NEO1: variants seen among roughly 807,000 people sequenced by gnomAD.
NEO1 encodes neogenin 1, also known as neogenin.
NEO1 carries 63 observed loss-of-function variants against 159.7 expected under a neutral mutation model. That is an observed-to-expected ratio of 0.39 (90% CI 0.32 to 0.49). The LOEUF (loss-of-function observed/expected upper bound fraction) is 0.49, where lower values mean the gene tolerates loss of function less well. NEO1 is among the 20% of genes least tolerant of loss of function. The pLI is 0.85. For synonymous variants in NEO1, 633 were observed against 662.0 expected (o/e 0.96, Z 0.67); for missense variants, 1,615 against 1,831.0 (o/e 0.88, Z 2.15).
At chr15:73,180,389 C>A (rs1469583812) in intron 7 of NEO1, among the ~76,000 whole-genome samples, 1 of 152,122 alleles carries the variant, frequency 6.6e-6, no homozygotes, top group Non-Finnish European at 1.5e-5. Context: ...TATATACCCT[C>A]CCCTGTTTAT....
intron 7 of NEO1, among the ~76,000 whole-genome samples, chr15:73,230,396 G>A (rs558268086): frequency 1.3e-5 from 2 of 151,684 alleles, no homozygotes; most frequent in East Asian, 3.9e-4. Flanking sequence ...TTGTACTATT[G>A]TCCCTTCTTG....
rs2041224314 is a variant in NEO1, at chr15:73,272,633, C to T, written c.2965+71C>T. The stretch of plus-strand genomic sequence containing the variant: ...TGACAGGAGTATTCCAGGAGAGTAC[C>T]ATGTTGCTGGGAGAAGTGGGAGTCT... On this transcript the variant is annotated intron_variant, in intron 19 of 28. Coordinates refer to ENST00000261908, the MANE Select transcript of NEO1 (RefSeq NM_002499.4). 6 of 1,113,142 alleles carry T rather than the reference C, an allele frequency of 5.4e-6. No individual in the cohort carries two copies. The South Asian group carries it at 7.9e-5, about 15-fold the overall frequency. The allele number at this position is 1,113,142 out of a possible 1,614,324, so 69.0% of individuals were successfully genotyped here.
At chr15:73,278,667 C>A (rs933587360) in intron 22 of NEO1, among the ~76,000 whole-genome samples, 2 of 152,192 alleles carry the variant, frequency 1.3e-5, no homozygotes, top group Admixed American at 1.3e-4. Flanking sequence ...ATGACACCCC[C>A]GTCTTTACAG....
chr15:73,278,262 T>C, intron 22 of NEO1, 63 bp downstream of exon 22: 1 of 1,460,864 alleles, frequency 6.8e-7, no homozygotes, highest in South Asian at 1.2e-5. Flanking sequence ...GCTTAAATTT[T>C]TGAAATGTCC....
chr15:73,052,860 G>C (rs923412947), intron 1 of NEO1, 55 bp downstream of exon 1: 2 of 264,988 alleles, frequency 7.5e-6, no homozygotes, highest in African/African-American at 4.6e-5. Context: ...CGGCTCAGGC[G>C]GCCGCGGCTG....
intron 5 of NEO1, among the ~76,000 whole-genome samples, chr15:73,144,000 G>T (rs978581838): frequency 6.6e-6 from 1 of 152,168 alleles, no homozygotes; most frequent in Admixed American, 6.5e-5. Flanking sequence ...ATTAACGAAT[G>T]GAATGAGTGA....
chr15:73,226,916 C>T (rs1193207096), intron 7 of NEO1, among the ~76,000 whole-genome samples: 1 of 152,134 alleles, frequency 6.6e-6, no homozygotes, highest in Non-Finnish European at 1.5e-5. Context: ...TGTAAATGTA[C>T]CTACTCACAG....
At chr15:73,274,427 T>C (rs539208088) in intron 20 of NEO1, among the ~76,000 whole-genome samples, 6 of 152,274 alleles carry the variant, frequency 3.9e-5, no homozygotes, top group Non-Finnish European at 7.4e-5. Context: ...AAAGAGCCTT[T>C]TAAATAAAAC....
At position 73,302,820 on chromosome 15, in the gene NEO1, T is replaced by G; in HGVS notation, c.*124T>G. On this transcript the variant is annotated 3_prime_UTR_variant, in exon 29 of 29. Coordinates refer to ENST00000261908, the MANE Select transcript of NEO1 (RefSeq NM_002499.4). ...GAGAACACAGAATGAGCCAGCAGAC[T>G]GGCCAGCGCCTCTGTGTAGGGCTGG... 1 of 864,912 alleles carries G rather than the reference T, an allele frequency of 1.2e-6. No homozygotes were observed. The allele number at this position is 864,912 out of a possible 1,614,324, so 53.6% of individuals were successfully genotyped here. A position where few individuals can be genotyped will look rare whatever the true frequency, so the allele number is the denominator to read the frequency against.
chr15:73,066,577 G>A (rs1031381686), intron 1 of NEO1, among the ~76,000 whole-genome samples: 2 of 152,114 alleles, frequency 1.3e-5, no homozygotes, highest in Admixed American at 1.3e-4. Context: ...ACTTCTGGTA[G>A]GTGGTTATGC....
At chr15:73,096,604 A>G (rs941926925) in intron 1 of NEO1, among the ~76,000 whole-genome samples, 4 of 152,234 alleles carry the variant, frequency 2.6e-5, no homozygotes, top group African/African-American at 9.7e-5. Flanking sequence ...GAATGTTTTG[A>G]GAAAGCCAAA....
At chr15:73,217,175 A>G (rs112264053) in intron 7 of NEO1, among the ~76,000 whole-genome samples, 4 of 149,688 alleles carry the variant, frequency 2.7e-5, no homozygotes, top group Non-Finnish European at 4.5e-5. Flanking sequence ...AGCACTATTT[A>G]TTAAATAGGG....
Position 73,302,628 on chromosome 15 carries a change from G to A in NEO1, c.4318G>A (p.Glu1440Lys). ...EDSESSYEPD[E>K]LTKEMAHLEG... ...TTTTCCATAGAGCTATGAACCAGAT[G>A]AGCTGACCAAAGAGATGGCCCACCT... Residue 1440 changes from glutamate to lysine, a missense_variant, in exon 29 of 29, where the codon GAG becomes AAG. By Grantham distance (56) the Glu-to-Lys change is moderately conservative (BLOSUM62 1). This residue lies in a region of NEO1 where 471 missense variants were observed against 498.9 expected (regional missense o/e 0.94). Transcript: ENST00000261908. 6.2e-7 allele frequency: 1 copy of A among 1,613,982 alleles called. No individual in the cohort carries two copies. The highest frequency in any genetic ancestry group is 8.5e-7 in the Non-Finnish European group (1 of 1,179,932).
intron 4 of NEO1, among the ~76,000 whole-genome samples, chr15:73,130,527 C>T (rs947383934): frequency 2.2e-4 from 33 of 152,118 alleles, no homozygotes; most frequent in African/African-American, 6.5e-4. Flanking sequence ...AGTCAAACAC[C>T]GCAGAAGAAA....
chr15:73,218,539 G>C (rs1271915519), intron 7 of NEO1, among the ~76,000 whole-genome samples: 3 of 152,044 alleles, frequency 2.0e-5, no homozygotes, highest in Non-Finnish European at 4.4e-5. Context: ...GAATTCGGCT[G>C]TGATTCCATC....
intron 1 of NEO1, among the ~76,000 whole-genome samples, chr15:73,098,317 T>C (rs1193410525): frequency 1.3e-5 from 2 of 152,216 alleles, no homozygotes; most frequent in African/African-American, 4.8e-5. Flanking sequence ...TAGAGATTTT[T>C]TAAAATCTAA....
chr15:73,196,835 A>G (rs2036557588), intron 7 of NEO1, among the ~76,000 whole-genome samples: 1 of 152,184 alleles, frequency 6.6e-6, no homozygotes, highest in African/African-American at 2.4e-5. Flanking sequence ...TCTCAAGCCT[A>G]TAATTCTCTT....
intron 7 of NEO1, among the ~76,000 whole-genome samples, chr15:73,198,420 A>T (rs1283220215): frequency 2.6e-5 from 4 of 152,022 alleles, no homozygotes; most frequent in Non-Finnish European, 5.9e-5. Flanking sequence ...AAAATATATT[A>T]TTTGCCCTTA....
chr15:73,079,732 T>C (rs2068949384), intron 1 of NEO1, among the ~76,000 whole-genome samples: 1 of 152,156 alleles, frequency 6.6e-6, no homozygotes, highest in African/African-American at 2.4e-5. Context: ...TGGAGCTACA[T>C]AGAGTGAATA....
Sources: allele counts gnomAD v4.1 joint callset (sites outside exome capture counted in the v4.1 genomes callset), GRCh38; gene constraint gnomAD v4.1.1; regional missense constraint gnomAD v4.1.1; transcripts MANE v1.5; gene names NCBI Gene and HGNC (gene_info 2026-07-23, HGNC 2026-07-21).